KCNAB2: variants seen among roughly 807,000 people sequenced by gnomAD.
KCNAB2 encodes voltage-gated potassium channel subunit beta-2.
KCNAB2 carries 29 observed loss-of-function variants against 63.6 expected under a neutral mutation model. The ratio of observed to expected loss-of-function variants is 0.46; its 90% CI spans 0.34 to 0.62. The LOEUF (loss-of-function observed/expected upper bound fraction) is 0.62. KCNAB2 is among the 20% of genes least tolerant of loss of function. The probability of loss-of-function intolerance (pLI) is 0.01; values close to 1 mark genes in which losing one functional copy is unlikely to be tolerated. For synonymous variants in KCNAB2, 222 were observed against 224.2 expected (o/e 0.99, Z 0.09); for missense variants, 359 against 563.9 (o/e 0.64, Z 3.68).
At chr1:6,081,359 TC>T (rs1664195027) in intron 4 of KCNAB2, among the ~76,000 whole-genome samples, 1 of 152,180 alleles carries the variant, frequency 6.6e-6, no homozygotes, top group South Asian at 2.1e-4. Context: ...AACAATTCAG[TC>T]CTCATGTGCA....
At chr1:6,034,172 A>G (rs963441201), upstream of KCNAB2, 1 of 152,336 alleles carries the variant, frequency 6.6e-6, no homozygotes. Context: ...TGTTGGCTCC[A>G]CAGGGATTGG....
At chr1:6,047,851 G>A (rs947686597) in intron 1 of KCNAB2, among the ~76,000 whole-genome samples, 1 of 152,214 alleles carries the variant, frequency 6.6e-6, no homozygotes, top group Admixed American at 6.5e-5. Context: ...GCCAAAGGCT[G>A]CCATTTCTGT....
intron 1 of KCNAB2, chr1:6,036,126 C>T (rs1174056492): frequency 6.6e-6 from 1 of 152,170 alleles, no homozygotes; most frequent in Non-Finnish European, 1.5e-5. Flanking sequence ...GAAGAGGAAT[C>T]GCAGATAAGT....
chr1:6,018,347 G>A (rs564010612), intron 1 of KCNAB2, among the ~76,000 whole-genome samples: 6 of 152,308 alleles, frequency 3.9e-5, no homozygotes, highest in African/African-American at 1.2e-4. Context: ...GCAGCCCCGG[G>A]CAATATGTAA....
rs987363512 is a variant in KCNAB2 at position 5,994,807 on chromosome 1, C to A, written c.-53+2019C>A. Among the ~76,000 whole-genome samples the A allele has an allele frequency of 6.6e-6, 1 of 152,134 alleles. No homozygotes were observed. The highest frequency in any genetic ancestry group is 2.4e-5 in the African/African-American group (1 of 41,426). Reference sequence around the variant, plus strand: ...GCTGGCCAGCTAGAGAAGGCTTCCTCGCTTTCATTTTTCAGTCATCTTCTA... The same window carrying A: ...GCTGGCCAGCTAGAGAAGGCTTCCTAGCTTTCATTTTTCAGTCATCTTCTA... On this transcript the variant is annotated intron_variant, in intron 1 of 16. Transcript: ENST00000341524. This position sits in a 1 kb window ranked among gnomAD's most constrained non-coding sequence, Gnocchi z 5.4.
chr1:6,040,350 G>A (rs1041301742), intron 1 of KCNAB2, among the ~76,000 whole-genome samples: 1 of 152,112 alleles, frequency 6.6e-6, no homozygotes, highest in African/African-American at 2.4e-5. Flanking sequence ...TGCCTGCCGT[G>A]TGTCTGTCTG....
intron 1 of KCNAB2, among the ~76,000 whole-genome samples, chr1:6,049,419 G>T (rs989450816): frequency 3.9e-5 from 6 of 152,208 alleles, no homozygotes; most frequent in African/African-American, 1.4e-4. Flanking sequence ...GGATGATGGC[G>T]AGCGCCATGG....
chr1:6,026,210 G>A (rs1659165256), intron 1 of KCNAB2: 1 of 152,346 alleles, frequency 6.6e-6, no homozygotes, highest in Admixed American at 6.5e-5. Flanking sequence ...CTCCCACCTG[G>A]GTCACGCGCT....
intron 1 of KCNAB2, chr1:6,018,605 G>A (rs77949422): frequency 3.2e-3 from 480 of 152,282 alleles, no homozygotes; most frequent in Non-Finnish European, 5.8e-3. Flanking sequence ...GCACCACGAC[G>A]CCCAGCTAAT....
rs564418576 is a variant in KCNAB2 at position 6,074,538 on chromosome 1, G to A, written c.300+768G>A. Among the ~76,000 whole-genome samples, 21 of 152,344 alleles carry A rather than the reference G, an allele frequency of 1.4e-4. No individual in the cohort carries two copies. Among genetic ancestry groups the A allele is most frequent in the East Asian group, 3.9e-4 (2 of 5,186 alleles). On this transcript the variant is annotated intron_variant, in intron 4 of 15. Coordinates refer to ENST00000378083, the MANE Select transcript of KCNAB2 (RefSeq NM_001199862.2). The surrounding 1 kb of genome is among the most constrained non-coding windows in gnomAD (Gnocchi z 4.9). The stretch of plus-strand genomic sequence containing the variant: ...TCCTACTTAGCACTAGAAAGGTTGC[G>A]TTTAAAAATTGATCAGCGAATTGAT...
At chr1:5,999,997 GTCTGCACCCTC>G (rs1342905175) in intron 1 of KCNAB2, among the ~76,000 whole-genome samples, 9 of 149,440 alleles carry the variant, frequency 6.0e-5, no homozygotes, top group East Asian at 3.9e-4. Flanking sequence ...CTGCTCTGCT[GTCTGCACCCTC>G]TCTGCACCCT....
At position 6,073,410 on chromosome 1, in the gene KCNAB2, G is replaced by A. The variant is rs1192422943; in HGVS notation, c.263-323G>A. Among the ~76,000 whole-genome samples, 1 of 152,194 alleles carries A rather than the reference G, an allele frequency of 6.6e-6. No homozygotes were observed. The highest frequency in any genetic ancestry group is 2.4e-5 in the African/African-American group (1 of 41,456). On this transcript the variant is annotated intron_variant, in intron 3 of 15. Coordinates refer to ENST00000378083, the MANE Select transcript of KCNAB2 (RefSeq NM_001199862.2). The surrounding 1 kb of genome is among the most constrained non-coding windows in gnomAD (Gnocchi z 5.7). ...GTGTGTTTTCAGAGAGGCATCCCTT[G>A]TGCCATTTCTTGCGGCATGTCCTTG... is the stretch of plus-strand genomic sequence containing the variant.
chr1:6,097,775 A>C, intron 15 of KCNAB2: 1 of 400,418 alleles, frequency 2.5e-6, no homozygotes, highest in Non-Finnish European at 4.4e-6. Flanking sequence ...GAGTTGATGC[A>C]AAGGCCCAAA....
At chr1:6,056,054 T>A (rs1570975437) in intron 2 of KCNAB2, among the ~76,000 whole-genome samples, 1 of 77,264 alleles carries the variant, frequency 1.3e-5, no homozygotes, top group African/African-American at 7.1e-5. Flanking sequence ...ACTTCCCCAG[T>A]TTTTTTTTGA....
chr1:6,036,359 C>T (rs1407925189), intron 1 of KCNAB2, among the ~76,000 whole-genome samples: 2 of 151,966 alleles, frequency 1.3e-5, no homozygotes, highest in African/African-American at 4.8e-5. Flanking sequence ...AAAACTTAGC[C>T]AGGCATGGTG....
At chr1:6,033,809 A>G (rs917341819), upstream of KCNAB2, among the ~76,000 whole-genome samples, 1 of 152,192 alleles carries the variant, frequency 6.6e-6, no homozygotes, top group Non-Finnish European at 1.5e-5. Flanking sequence ...GCATTTTCAC[A>G]TCTTGCTTCT....
chr1:6,086,801 G>A lies in KCNAB2; in HGVS notation c.426-666G>A, dbSNP rs1664736957. On this transcript the variant is annotated intron_variant, in intron 6 of 15. Coordinates refer to ENST00000378083, the MANE Select transcript of KCNAB2 (RefSeq NM_001199862.2). This position sits in a 1 kb window ranked among gnomAD's most constrained non-coding sequence, Gnocchi z 4.2. ...AGCTACTCAAACCCAGAACCCCACT[G>A]GCCTGGCCACACTTGGGCTCCCTAT... Among the ~76,000 whole-genome samples, 4 of 152,136 alleles carry A rather than the reference G, an allele frequency of 2.6e-5. No homozygotes were observed. In the South Asian group the frequency reaches 8.3e-4, roughly 32 times the overall value.
chr1:6,075,925 T>G, intron 4 of KCNAB2, among the ~76,000 whole-genome samples: 1 of 152,214 alleles, frequency 6.6e-6, no homozygotes, highest in African/African-American at 2.4e-5. Flanking sequence ...CCTGTCTCTA[T>G]GAACTCTGCA....
At chr1:6,066,123 G>A (rs1662727984) in intron 2 of KCNAB2, among the ~76,000 whole-genome samples, 1 of 152,144 alleles carries the variant, frequency 6.6e-6, no homozygotes, top group African/African-American at 2.4e-5. Flanking sequence ...CCTGAGGATC[G>A]GCTGGGCCGA....
Sources: allele counts gnomAD v4.1 joint callset (sites outside exome capture counted in the v4.1 genomes callset), GRCh38; gene constraint gnomAD v4.1.1; non-coding constraint Gnocchi (gnomAD v3.1); transcripts MANE v1.5; gene names NCBI Gene and HGNC (gene_info 2026-07-23, HGNC 2026-07-21).